Variants in PPTC7 observed in about 807,000 individuals in gnomAD.
PPTC7 encodes the protein protein phosphatase PTC7 homolog.
Under a neutral mutation model 30.8 loss-of-function variants are expected in PPTC7, and 6 were observed. The ratio of observed to expected loss-of-function variants is 0.19; its 90% CI spans 0.11 to 0.38. The LOEUF is 0.38. Among genes scored for constraint, PPTC7 ranks in the 10% least tolerant of loss-of-function variants. PPTC7 has a pLI of 1.00. For missense variants in PPTC7, 218 were observed against 404.8 expected (o/e 0.54, Z 3.96); for synonymous variants, 163 against 168.1 (o/e 0.97, Z 0.23).
At chr12:110,549,985 T>C (rs776343679) in intron 2 of PPTC7, among the ~76,000 whole-genome samples, 7 of 152,202 alleles carry the variant, frequency 4.6e-5, no homozygotes, top group Non-Finnish European at 8.8e-5. Context: ...TCTAGAATGT[T>C]TCACTATGCC....
At chr12:110,545,767 C>CTTT (rs2135766425) in intron 3 of PPTC7, 113 bp downstream of exon 3, 1 of 917,080 alleles carries the variant, frequency 1.1e-6, no homozygotes, top group Non-Finnish European at 1.8e-6. Flanking sequence ...TGAGAACATT[C>CTTT]TCAGTGTATT....
intron 1 of PPTC7, among the ~76,000 whole-genome samples, chr12:110,568,911 AG>A (rs1387330288): frequency 1.3e-5 from 2 of 152,156 alleles, no homozygotes; most frequent in African/African-American, 4.8e-5. Context: ...ACTACTTGAG[AG>A]GCTGAGGCAG....
intron 1 of PPTC7, among the ~76,000 whole-genome samples, chr12:110,565,227 A>G (rs1478152827): frequency 6.6e-6 from 1 of 151,466 alleles, no homozygotes; most frequent in Non-Finnish European, 1.5e-5. Context: ...TAGGACAATG[A>G]GTACTTTTTT....
At chr12:110,549,006 G>A (rs2064332358) in intron 2 of PPTC7, among the ~76,000 whole-genome samples, 1 of 152,166 alleles carries the variant, frequency 6.6e-6, no homozygotes, top group South Asian at 2.1e-4. Flanking sequence ...GCGGTGCTGA[G>A]AACCACAGTG....
At chr12:110,582,099 G>T (rs940552576) in intron 1 of PPTC7, among the ~76,000 whole-genome samples, 28 of 152,166 alleles carry the variant, frequency 1.8e-4, no homozygotes, top group African/African-American at 6.5e-4. Flanking sequence ...GCCTGAAAAG[G>T]CTGTGACCAA....
At chr12:110,581,189 G>A (rs1398368554) in intron 1 of PPTC7, among the ~76,000 whole-genome samples, 1 of 152,096 alleles carries the variant, frequency 6.6e-6, no homozygotes, top group East Asian at 1.9e-4. Context: ...CGAACACGAG[G>A]CCGATCACGA....
At chr12:110,574,479 T>G (rs184189292) in intron 1 of PPTC7, among the ~76,000 whole-genome samples, 1 of 152,292 alleles carries the variant, frequency 6.6e-6, no homozygotes, top group South Asian at 2.1e-4. Flanking sequence ...AAGAAAAGCT[T>G]CTGTCCTTCC....
At chr12:110,547,902 C>T (rs1366829620) in intron 2 of PPTC7, among the ~76,000 whole-genome samples, 4 of 151,978 alleles carry the variant, frequency 2.6e-5, no homozygotes, top group Non-Finnish European at 4.4e-5. Context: ...GCCAGGAGTT[C>T]GAGACTAAGC....
At chr12:110,544,429 T>C (rs918449662) in intron 3 of PPTC7, among the ~76,000 whole-genome samples, 4 of 152,240 alleles carry the variant, frequency 2.6e-5, no homozygotes, top group Non-Finnish European at 5.9e-5. Context: ...CCAGTGATGT[T>C]TGTGCCAGGT....
Position 110,533,453 on chromosome 12 carries a change from G to C in PPTC7, c.*3584C>G, listed in dbSNP as rs1190082496. On this transcript the variant is annotated 3_prime_UTR_variant, in exon 6 of 6. Coordinates refer to ENST00000354300, the MANE Select transcript of PPTC7 (RefSeq NM_139283.2). The stretch of plus-strand genomic sequence containing the variant: ...TTTGCTTCATTATTTAGCCATCTTT[G>C]CCACAAACTACCTGCTAACAGTTAA... 2.6e-5 allele frequency: 4 copies of C among 152,084 alleles called. No individual in the cohort carries two copies. The allele number at this position is 152,084 out of a possible 1,614,324, so 9.4% of individuals were successfully genotyped here.
At chr12:110,556,584 A>G (rs1454275803) in intron 1 of PPTC7, among the ~76,000 whole-genome samples, 1 of 152,234 alleles carries the variant, frequency 6.6e-6, no homozygotes, top group African/African-American at 2.4e-5. Flanking sequence ...AATACATGTC[A>G]AAGGTAAAGA....
intron 1 of PPTC7, among the ~76,000 whole-genome samples, chr12:110,557,360 G>C (rs1298710426): frequency 6.6e-6 from 1 of 152,142 alleles, no homozygotes; most frequent in Non-Finnish European, 1.5e-5. Flanking sequence ...CTGCAGTCTT[G>C]AACTCCTGGG....
In PPTC7 at chr12:110,536,833, A is replaced by G. The variant is rs2064221944; in HGVS notation, c.*204T>C. 5.9e-6 allele frequency: 3 copies of G among 506,480 alleles called. No homozygotes were observed. The Admixed American group carries it at 1.1e-4, about 19-fold the overall frequency. 31.4% of individuals were successfully genotyped at this position (506,480 alleles called of 1,614,324 possible). On this transcript the variant is annotated 3_prime_UTR_variant, in exon 6 of 6. Coordinates refer to ENST00000354300, the MANE Select transcript of PPTC7 (RefSeq NM_139283.2). ...AATCTTCAAATATTGGATCTCTTCA[A>G]TTGCTGCCGGCAGATATGAGCTAGT... is the stretch of plus-strand genomic sequence containing the variant.
rs773374375 is a variant in PPTC7, at chr12:110,538,208, G to A, written c.792C>T (p.Ala264=). 1.3e-5 allele frequency: 21 copies of A among 1,613,962 alleles called. No individual in the cohort carries two copies. In the South Asian group the frequency reaches 2.0e-4, roughly 15 times the overall value. Residue 264 remains alanine (A), a synonymous_variant, in exon 5 of 6, where the codon GCC becomes GCT. Transcript: ENST00000354300. The part of the protein sequence containing the change: ...RSIAEQAHEL[A]YDPNYMSPFA... ...AAGGTGACATATAATTTGGGTCATAGGCCAGCTCATGAGCTTGCTCAGCAA... is the reference window on the plus strand; with the variant it reads ...AAGGTGACATATAATTTGGGTCATAAGCCAGCTCATGAGCTTGCTCAGCAA...
chr12:110,577,124 G>A (rs1158436457), intron 1 of PPTC7, among the ~76,000 whole-genome samples: 1 of 135,184 alleles, frequency 7.4e-6, no homozygotes, highest in Non-Finnish European at 1.5e-5. Flanking sequence ...CCAAGATCGC[G>A]CCACTGCTCT....
intron 3 of PPTC7, among the ~76,000 whole-genome samples, chr12:110,542,934 G>A (rs1421573403): frequency 6.6e-6 from 1 of 152,136 alleles, no homozygotes; most frequent in Non-Finnish European, 1.5e-5. Context: ...GGCCTCCTGA[G>A]GCTGGTTCTT....
At chr12:110,566,917 A>G (rs768874993) in intron 1 of PPTC7, among the ~76,000 whole-genome samples, 5 of 152,222 alleles carry the variant, frequency 3.3e-5, no homozygotes, top group Non-Finnish European at 1.5e-5. Context: ...TTTGAAAAGA[A>G]TATTTTCCCC....
chr12:110,552,739 C>T (rs2064358021), intron 1 of PPTC7, among the ~76,000 whole-genome samples: 1 of 152,086 alleles, frequency 6.6e-6, no homozygotes, highest in Admixed American at 6.5e-5. Flanking sequence ...TGGCAGGCGC[C>T]TGTAGTCCCA....
intron 1 of PPTC7, among the ~76,000 whole-genome samples, chr12:110,561,644 C>G (rs1442245775): frequency 6.6e-6 from 1 of 152,138 alleles, no homozygotes; most frequent in Non-Finnish European, 1.5e-5. Flanking sequence ...TTTCTTAAAC[C>G]TCAACTATTT....
Sources: allele counts gnomAD v4.1 joint callset (sites outside exome capture counted in the v4.1 genomes callset), GRCh38; gene constraint gnomAD v4.1.1; transcripts MANE v1.5; gene names NCBI Gene and HGNC (gene_info 2026-07-23, HGNC 2026-07-21).